The following FCER1A variants were observed in gnomAD, a reference collection of about 807,000 sequenced individuals.
FCER1A encodes Fc epsilon receptor Ia, also known as high affinity immunoglobulin epsilon receptor subunit alpha.
FCER1A carries 24 observed loss-of-function variants against 23.6 expected under a neutral mutation model. The ratio of observed to expected loss-of-function variants is 1.02; its 90% confidence interval spans 0.74 to 1.43. The LOEUF is 1.43. FCER1A is among the 40% of genes most tolerant of loss of function. The pLI is 0.00. For missense variants in FCER1A, 318 were observed against 294.5 expected (o/e 1.08, Z -0.58); for synonymous variants, 121 against 108.8 (o/e 1.11, Z -0.70).
At chr1:159,287,283 T>C (rs923131896), upstream of FCER1A, among the ~76,000 whole-genome samples, 11 of 152,234 alleles carry the variant, frequency 7.2e-5, no homozygotes, top group Non-Finnish European at 1.6e-4. Context: ...GAATTTCAGC[T>C]TCCTTTTACT....
upstream of FCER1A, among the ~76,000 whole-genome samples, chr1:159,289,227 T>C (rs761245106): frequency 5.3e-5 from 8 of 152,206 alleles, no homozygotes; most frequent in Non-Finnish European, 1.0e-4. Flanking sequence ...AAGGTTACTG[T>C]AGATCTTGAA....
chr1:159,293,961 T>A (rs1193800719), intron 1 of FCER1A, among the ~76,000 whole-genome samples: 2 of 151,656 alleles, frequency 1.3e-5, no homozygotes, highest in Non-Finnish European at 2.9e-5. Context: ...AAAAAACACA[T>A]GAAAAAATGC....
chr1:159,284,264 T>A, the FCER1A span, among the ~76,000 whole-genome samples: 1 of 152,146 alleles, frequency 6.6e-6, no homozygotes, highest in African/African-American at 2.4e-5. Context: ...TTTAGGGAGA[T>A]CCATCACCCA....
chr1:159,292,318 G>A (rs756106869), intron 1 of FCER1A, among the ~76,000 whole-genome samples: 3 of 151,888 alleles, frequency 2.0e-5, no homozygotes, highest in Non-Finnish European at 4.4e-5. Context: ...CTTCCCAACC[G>A]GAACACTTGG....
At chr1:159,291,863 A>G (rs1354191076) in intron 1 of FCER1A, among the ~76,000 whole-genome samples, 6 of 152,154 alleles carry the variant, frequency 3.9e-5, no homozygotes, top group Admixed American at 3.9e-4. Flanking sequence ...CCATTGCTAA[A>G]GTCCCAAAAA....
chr1:159,305,354 C>T (rs1652569219), intron 3 of FCER1A, among the ~76,000 whole-genome samples: 1 of 152,092 alleles, frequency 6.6e-6, no homozygotes, highest in African/African-American at 2.4e-5. Flanking sequence ...TTCACTGACT[C>T]ATTAGTGACA....
intron 2 of FCER1A, among the ~76,000 whole-genome samples, 161 bp from the exon 3 acceptor site, chr1:159,303,767 C>T (rs372350671): frequency 6.6e-6 from 1 of 152,198 alleles, no homozygotes; most frequent in Non-Finnish European, 1.5e-5. Context: ...ACTAATTTCT[C>T]CTTCCCCTAG....
chr1:159,308,027 A>T lies in FCER1A; in HGVS notation c.*95A>T. ...AACACAGCTTGCAATATACATAGAA[A>T]CGTCTGTGCTCAAGGATTTATAGAA... On this transcript the variant is annotated 3_prime_UTR_variant, in exon 5 of 5. Coordinates refer to ENST00000693622, the MANE Select transcript of FCER1A (RefSeq NM_001387280.1). The T allele has an allele frequency of 1.2e-6, 1 of 839,060 alleles. No homozygotes were observed. The highest frequency in any genetic ancestry group is 1.8e-6 in the Non-Finnish European group (1 of 551,282). The allele number at this position is 839,060 out of a possible 1,614,324, so 52.0% of individuals were successfully genotyped here.
intron 1 of FCER1A, among the ~76,000 whole-genome samples, chr1:159,291,888 G>A (rs1341807210): frequency 6.6e-6 from 1 of 152,068 alleles, no homozygotes; most frequent in African/African-American, 2.4e-5. Context: ...CATATTGCTA[G>A]ATTCAGAGGA....
chr1:159,301,622 A>G (rs1004606728), upstream of FCER1A, among the ~76,000 whole-genome samples: 4 of 152,236 alleles, frequency 2.6e-5, no homozygotes, highest in African/African-American at 4.8e-5. Flanking sequence ...ACAGCGGATC[A>G]TCAGTGAATC....
chr1:159,288,145 A>G (rs1037899443), upstream of FCER1A, among the ~76,000 whole-genome samples: 2 of 152,232 alleles, frequency 1.3e-5, no homozygotes, highest in Admixed American at 6.5e-5. Flanking sequence ...TTCACCAGAA[A>G]GTGAAAGCCA....
intron 1 of FCER1A, among the ~76,000 whole-genome samples, chr1:159,292,212 A>C (rs1400421609): frequency 6.6e-6 from 1 of 152,038 alleles, no homozygotes; most frequent in Non-Finnish European, 1.5e-5. Context: ...TTATATCTCT[A>C]ATATAGACAT....
At chr1:159,299,165 G>T (rs1249622237), upstream of FCER1A, among the ~76,000 whole-genome samples, 1 of 152,132 alleles carries the variant, frequency 6.6e-6, no homozygotes, top group East Asian at 1.9e-4. Context: ...TGCATAGTTA[G>T]CCTTGTATTT....
chr1:159,290,150 T>A (rs1019010282), intron 1 of FCER1A, among the ~76,000 whole-genome samples: 1 of 152,164 alleles, frequency 6.6e-6, no homozygotes, highest in Non-Finnish European at 1.5e-5. Context: ...TTCAATCAAT[T>A]CTACTTTCCT....
upstream of FCER1A, among the ~76,000 whole-genome samples, chr1:159,300,325 G>C (rs1392270235): frequency 6.6e-6 from 1 of 152,038 alleles, no homozygotes; most frequent in Non-Finnish European, 1.5e-5. Flanking sequence ...TCTCTCTGAG[G>C]GACAATTTGA....
intron 4 of FCER1A, among the ~76,000 whole-genome samples, chr1:159,307,476 A>G (rs1652649465): frequency 6.6e-6 from 1 of 152,150 alleles, no homozygotes; most frequent in African/African-American, 2.4e-5. Flanking sequence ...TAAGGGGTTT[A>G]TCTTTCCTAT....
intron 3 of FCER1A, among the ~76,000 whole-genome samples, chr1:159,304,584 G>C (rs1652542744): frequency 6.6e-6 from 1 of 151,984 alleles, no homozygotes; most frequent in Non-Finnish European, 1.5e-5. Context: ...TCCAGCCTGG[G>C]CTACAGAGCA....
At chr1:159,288,291 T>G (rs958904815), upstream of FCER1A, among the ~76,000 whole-genome samples, 8 of 152,202 alleles carry the variant, frequency 5.3e-5, no homozygotes, top group Non-Finnish European at 1.2e-4. Context: ...AGGGCTTGCA[T>G]GGTAGAGACA....
chr1:159,285,428 T>G (rs1205864076), upstream of FCER1A, among the ~76,000 whole-genome samples: 5 of 152,096 alleles, frequency 3.3e-5, no homozygotes, highest in Non-Finnish European at 4.4e-5. Context: ...TTTTAAAGGC[T>G]TAATTAGATT....
Sources: allele counts gnomAD v4.1 joint callset (sites outside exome capture counted in the v4.1 genomes callset), GRCh38; gene constraint gnomAD v4.1.1; transcripts MANE v1.5; gene names NCBI Gene and HGNC (gene_info 2026-07-23, HGNC 2026-07-21).